Variants in IRAG1 observed in about 807,000 individuals in gnomAD.
IRAG1 encodes the protein inositol 1,4,5-triphosphate receptor associated 1.
Under a neutral mutation model 106.2 loss-of-function variants are expected in IRAG1, and 62 were observed. That is an observed-to-expected ratio of 0.58 (90% CI 0.48 to 0.72). The LOEUF (loss-of-function observed/expected upper bound fraction) is 0.72. Among genes scored for constraint, IRAG1 ranks in the 30% least tolerant of loss-of-function variants. The pLI is 0.00. For synonymous variants in IRAG1, 462 were observed against 443.9 expected, an observed-to-expected ratio of 1.04 and a Z score of -0.51; for missense variants, 1,064 against 1,140.7, an observed-to-expected ratio of 0.93 and a Z score of 0.97.
In IRAG1 at chr11:10,581,857, T is replaced by A; in HGVS notation, c.2360+10A>T. Reference sequence around the variant, plus strand: ...CCAGGTGCCCTTGGGGTGGCTGAGGTCTGACTCACCCCTTGCTGTAGGCTT... The same window carrying A: ...CCAGGTGCCCTTGGGGTGGCTGAGGACTGACTCACCCCTTGCTGTAGGCTT... On this transcript the variant is annotated intron_variant, in intron 19 of 20. Coordinates refer to ENST00000423302, the MANE Select transcript of IRAG1 (RefSeq NM_130385.4). The A allele has an allele frequency of 6.2e-7, 1 of 1,612,734 alleles. No homozygotes were observed. The highest frequency in any genetic ancestry group is 8.5e-7 in the Non-Finnish European group (1 of 1,179,304).
chr11:10,609,131 T>C (rs942955183), intron 11 of IRAG1, among the ~76,000 whole-genome samples: 1 of 152,226 alleles, frequency 6.6e-6, no homozygotes, highest in African/African-American at 2.4e-5. Flanking sequence ...TTTTGTCATT[T>C]GTTATTTGCA....
At chr11:10,623,916 C>CT in intron 9 of IRAG1, 60 bp from the exon 10 acceptor site, 1 of 1,497,530 alleles carries the variant, frequency 6.7e-7, no homozygotes. Context: ...GGGCTGTTCT[C>CT]TTGGCTCTGT....
At chr11:10,629,941 C>A (rs1320587496) in intron 4 of IRAG1, 4 of 479,754 alleles carry the variant, frequency 8.3e-6, no homozygotes, top group Admixed American at 3.8e-5. Flanking sequence ...GGTCCTGGAG[C>A]CATCTCAGGT....
At chr11:10,658,709 G>GCT in intron 1 of IRAG1, 1 of 179,322 alleles carries the variant, frequency 5.6e-6, no homozygotes, top group Non-Finnish European at 1.1e-5. Context: ...CTGTGCTGTG[G>GCT]TCAGTCCCAG....
intron 17 of IRAG1, among the ~76,000 whole-genome samples, chr11:10,592,927 A>G (rs1405794351): frequency 6.6e-6 from 1 of 152,206 alleles, no homozygotes; most frequent in African/African-American, 2.4e-5. Context: ...TGTATATTCT[A>G]TTTTACTTGC....
At chr11:10,613,214 G>C (rs1855115892) in intron 10 of IRAG1, among the ~76,000 whole-genome samples, 2 of 151,290 alleles carry the variant, frequency 1.3e-5, no homozygotes, top group Admixed American at 6.6e-5. Context: ...GAACCCTTCA[G>C]GTTGACAGAC....
intron 18 of IRAG1, among the ~76,000 whole-genome samples, chr11:10,584,509 T>C (rs888963375): frequency 2.8e-5 from 4 of 144,190 alleles, no homozygotes; most frequent in Non-Finnish European, 6.0e-5. Context: ...GAGAAAAACA[T>C]AGCTACAGCC....
chr11:10,577,174 G>C (rs1192513171), intron 20 of IRAG1, among the ~76,000 whole-genome samples: 2 of 152,194 alleles, frequency 1.3e-5, no homozygotes, highest in Non-Finnish European at 2.9e-5. Flanking sequence ...CCATCCAAGA[G>C]CAGGCAGAAG....
intron 1 of IRAG1, among the ~76,000 whole-genome samples, chr11:10,666,670 A>G (rs1425151): frequency 0.23 from 35,697 of 152,232 alleles, 5,396 homozygotes; most frequent in East Asian, 0.81. Context: ...AGTTTATCCA[A>G]CGGGTTAAGC....
Position 10,631,942 on chromosome 11 carries a change from C to T in IRAG1, c.400+49G>A, listed in dbSNP as rs201124118. 2.1e-5 allele frequency: 33 copies of T among 1,539,718 alleles called. No homozygotes were observed. The African/African-American group carries it at 4.4e-4, about 20-fold the overall frequency. On this transcript the variant is annotated intron_variant, in intron 4 of 20. Coordinates refer to ENST00000423302, the MANE Select transcript of IRAG1 (RefSeq NM_130385.4). ...GAAGGAGTCAAGCCCAGCCACGCTG[C>T]CAGACCTGTCTTTCTACTCAACATG...
Position 10,628,029 on chromosome 11 carries a change from G to A in IRAG1, c.653-4C>T, listed in dbSNP as rs1367823880. The A allele has an allele frequency of 4.3e-6, 7 of 1,613,758 alleles. No homozygotes were observed. Among genetic ancestry groups the A allele is most frequent in the Non-Finnish European group, 5.9e-6 (7 of 1,179,784 alleles). On this transcript the variant is annotated splice_polypyrimidine_tract_variant and splice_region_variant and intron_variant, in intron 6 of 20. Coordinates refer to ENST00000423302, the MANE Select transcript of IRAG1 (RefSeq NM_130385.4). This position sits in a 1 kb window ranked among gnomAD's most constrained non-coding sequence, Gnocchi z 4.1. Reference sequence around the variant, plus strand: ...GGGCCACTGCACACATCCAAACCTGGAAGGGTCCAGACACTAGTGAGTGAG... The same window carrying A: ...GGGCCACTGCACACATCCAAACCTGAAAGGGTCCAGACACTAGTGAGTGAG...
At chr11:10,658,940 C>T (rs1471388871) in intron 1 of IRAG1, among the ~76,000 whole-genome samples, 1 of 151,814 alleles carries the variant, frequency 6.6e-6, no homozygotes, top group Non-Finnish European at 1.5e-5. Flanking sequence ...TGTGCTCAGT[C>T]CCAGGTCTGT....
intron 10 of IRAG1, among the ~76,000 whole-genome samples, chr11:10,617,636 C>T (rs949452410): frequency 8.5e-5 from 13 of 152,210 alleles, no homozygotes; most frequent in South Asian, 2.1e-4. Context: ...AGCTGCTTTC[C>T]GTGGGCATTT....
intron 1 of IRAG1, among the ~76,000 whole-genome samples, chr11:10,691,763 GGGGGCC>G (rs1293706878): frequency 5.9e-5 from 9 of 152,188 alleles, no homozygotes; most frequent in African/African-American, 2.2e-4. Context: ...CATGTTGCAA[GGGGGCC>G]GGTGATTCCC....
intron 2 of IRAG1, among the ~76,000 whole-genome samples, chr11:10,646,415 T>A (rs1185838753): frequency 6.6e-6 from 1 of 152,176 alleles, no homozygotes; most frequent in African/African-American, 2.4e-5. Context: ...TTTAGTGCAG[T>A]CATTTAATCA....
At chr11:10,592,214 C>A (rs1360021990) in intron 17 of IRAG1, among the ~76,000 whole-genome samples, 1 of 152,158 alleles carries the variant, frequency 6.6e-6, no homozygotes, top group Non-Finnish European at 1.5e-5. Flanking sequence ...TCGATCCACT[C>A]CAGAATCTTG....
chr11:10,592,749 T>C (rs951007586), intron 17 of IRAG1, among the ~76,000 whole-genome samples: 26 of 152,164 alleles, frequency 1.7e-4, no homozygotes, highest in African/African-American at 5.8e-4. Context: ...TATAGAAATA[T>C]AAAAAGGCAT....
chr11:10,674,393 A>T (rs1860484617), intron 1 of IRAG1, among the ~76,000 whole-genome samples: 1 of 152,198 alleles, frequency 6.6e-6, no homozygotes, highest in Admixed American at 6.5e-5. Context: ...AAGTATGGGC[A>T]CAAATGGGGG....
intron 2 of IRAG1, among the ~76,000 whole-genome samples, chr11:10,648,353 G>A (rs1360047965): frequency 6.6e-6 from 1 of 152,188 alleles, no homozygotes; most frequent in African/African-American, 2.4e-5. Context: ...GACAAAGCAA[G>A]ACTCTGTCTC....
Sources: allele counts gnomAD v4.1 joint callset (sites outside exome capture counted in the v4.1 genomes callset), GRCh38; gene constraint gnomAD v4.1.1; non-coding constraint Gnocchi (gnomAD v3.1); transcripts MANE v1.5; gene names NCBI Gene and HGNC (gene_info 2026-07-23, HGNC 2026-07-21).